Variants in ACACB observed in about 807,000 individuals in gnomAD.
The protein encoded by ACACB is acetyl-CoA carboxylase 2.
In ACACB, 209 loss-of-function variants were observed where a neutral mutation model predicts 278.8. That is an observed-to-expected ratio of 0.75 (90% CI 0.67 to 0.84). The LOEUF (loss-of-function observed/expected upper bound fraction) is 0.84, where lower values mean the gene tolerates loss of function less well. Ranked by LOEUF, ACACB falls within the 40% of genes least tolerant of loss-of-function variation. ACACB has a pLI of 0.00. For missense variants in ACACB, 2,850 were observed against 3,269.0 expected (o/e 0.87, Z 3.13); for synonymous variants, 1,174 against 1,285.6 (o/e 0.91, Z 1.86).
At chr12:109,152,744 A>C (rs2043413179) in intron 2 of ACACB, among the ~76,000 whole-genome samples, 2 of 143,076 alleles carry the variant, frequency 1.4e-5, no homozygotes, top group Admixed American at 7.7e-5. Context: ...ACCTGGGCTC[A>C]GGTAATCTTC....
chr12:109,259,949 AG>A (rs2047335000), intron 47 of ACACB: 1 of 639,176 alleles, frequency 1.6e-6, no homozygotes, highest in Non-Finnish European at 2.5e-6. Context: ...CCTTTGTAAA[AG>A]GGGGTTAAGA....
intron 35 of ACACB, among the ~76,000 whole-genome samples, chr12:109,240,560 T>C (rs1193880226): frequency 6.7e-6 from 1 of 148,288 alleles, no homozygotes; most frequent in Non-Finnish European, 1.5e-5. Flanking sequence ...AATATCGATA[T>C]ATTAATATTA....
rs200383223 is a variant in ACACB, at chr12:109,265,570, C to T, written c.7250+45C>T. 8.2e-5 allele frequency: 131 copies of T among 1,602,638 alleles called. No individual in the cohort carries two copies. In the African/African-American group the frequency reaches 1.1e-3, roughly 13 times the overall value. On this transcript the variant is annotated intron_variant, in intron 52 of 52. Coordinates refer to ENST00000338432, the MANE Select transcript of ACACB (RefSeq NM_001093.4). ...GCTTCCCAGCCTCCTGGCAAGGACC[C>T]GAGCCTGGATTGACCCCTAGCTACC...
chr12:109,240,878 C>T (rs928456279), intron 35 of ACACB, among the ~76,000 whole-genome samples, 200 bp from the exon 36 acceptor site: 13 of 152,134 alleles, frequency 8.5e-5, no homozygotes, highest in Admixed American at 5.2e-4. Flanking sequence ...TGAGTACTTA[C>T]GAAGGCAAAA....
Position 109,258,233 on chromosome 12 carries a change from G to T in ACACB, c.6264-35G>T, listed in dbSNP as rs1450481097. ...GGTCCCCAAATGCACCTGGGGTGCT[G>T]CCCAGGGCCTGGCTCACTGGTGCTC... On this transcript the variant is annotated intron_variant, in intron 45 of 52. Transcript: ENST00000338432. 1.9e-6 allele frequency: 3 copies of T among 1,563,422 alleles called. No homozygotes were observed. In the African/African-American group the frequency reaches 4.0e-5, roughly 21 times the overall value.
At chr12:109,149,638 T>G (rs190669795) in intron 2 of ACACB, among the ~76,000 whole-genome samples, 1 of 152,222 alleles carries the variant, frequency 6.6e-6, no homozygotes, top group East Asian at 1.9e-4. Flanking sequence ...TGACCACAGA[T>G]AGTCTGGGTT....
rs2043050003 is a variant in ACACB at position 109,139,592 on chromosome 12, G to A, written c.187G>A (p.Glu63Lys). ...NSGETPQRNG[E>K]GHTLPKTPSQ... ...AGGGGAGACACCGCAGAGAAATGGG[G>A]AGGGCCACACTCTGCCCAAGACACC... Residue 63 changes from glutamate to lysine, a missense_variant, in exon 2 of 53, where the codon GAG (glutamate) becomes AAG (lysine). Transcript: ENST00000338432. The A allele has an allele frequency of 1.2e-6, 2 of 1,613,932 alleles. No individual in the cohort carries two copies. The highest frequency in any genetic ancestry group is 3.3e-5 in the Admixed American group (2 of 59,986).
chr12:109,223,617 A>G (rs1334237791), intron 26 of ACACB, among the ~76,000 whole-genome samples, 198 bp from the exon 27 acceptor site: 1 of 152,066 alleles, frequency 6.6e-6, no homozygotes, highest in Non-Finnish European at 1.5e-5. Flanking sequence ...CAAAAAAAAG[A>G]GCCACGATGT....
Position 109,191,769 on chromosome 12 carries a change from G to T in ACACB, c.2295+6G>T. ...TCATTGCTGAGAAAGTGCAGGTAGG[G>T]AGTGAGCTGCCTGTGTCTCCCCTCT... On this transcript the variant is annotated splice_donor_region_variant and intron_variant, in intron 14 of 52. Transcript: ENST00000338432. The T allele has an allele frequency of 6.2e-7, 1 of 1,614,156 alleles. No individual in the cohort carries two copies. Among genetic ancestry groups the T allele is most frequent in the Non-Finnish European group, 8.5e-7 (1 of 1,180,026 alleles).
At chr12:109,260,332 A>G (rs1453278930) in intron 47 of ACACB, 148 bp from the exon 48 acceptor site, 1 of 1,138,480 alleles carries the variant, frequency 8.8e-7, no homozygotes. Flanking sequence ...CCACTTAGAG[A>G]GTGATCAGTA....
At chr12:109,226,834 AC>A (rs1318084262) in intron 27 of ACACB, among the ~76,000 whole-genome samples, 2 of 152,150 alleles carry the variant, frequency 1.3e-5, no homozygotes, top group East Asian at 3.8e-4. Context: ...TAAAATATTT[AC>A]TACCTATCTC....
Position 109,235,720 on chromosome 12 carries a change from G to A in ACACB, c.4446+73G>A, listed in dbSNP as rs17848826. On this transcript the variant is annotated intron_variant, in intron 33 of 52. Transcript: ENST00000338432. Reference sequence around the variant, plus strand: ...ATTTTTTAAGAGATGGGATGGGGCCGGGTGTGGTGGCTCAAGCCCGTAATC... The same window carrying A: ...ATTTTTTAAGAGATGGGATGGGGCCAGGTGTGGTGGCTCAAGCCCGTAATC... 3,658 of 1,386,656 alleles carry A rather than the reference G, an allele frequency of 2.6e-3. 119 individuals are homozygous for A. In the East Asian group the frequency reaches 0.073, roughly 28 times the overall value. 85.9% of individuals were successfully genotyped at this position (1,386,656 alleles called of 1,614,324 possible).
At chr12:109,241,303 G>A (rs766424576) in intron 36 of ACACB, 22 bp downstream of exon 36, 1 of 1,610,986 alleles carries the variant, frequency 6.2e-7, no homozygotes, top group Admixed American at 1.7e-5. Context: ...CCGCGCCGTG[G>A]GGGTCTAAGT....
rs79762769 is a variant in ACACB, at chr12:109,264,967, C to T, written c.6943-143C>T. 5.5e-4 allele frequency: 508 copies of T among 931,084 alleles called. 1 individual carries two copies. The African/African-American group carries it at 7.6e-3, about 14-fold the overall frequency. The allele number at this position is 931,084 out of a possible 1,614,324, so 57.7% of individuals were successfully genotyped here. On this transcript the variant is annotated intron_variant, in intron 50 of 52. Transcript: ENST00000338432. ...AGCAGGTGCCTTCTCCTCCCTGAGC[C>T]TCAGCTTACTTGCCTGGGATGATCT...
At chr12:109,210,460 T>TACACGCACACAC in intron 21 of ACACB, among the ~76,000 whole-genome samples, 1 of 130,770 alleles carries the variant, frequency 7.6e-6, no homozygotes, top group South Asian at 2.2e-4. Flanking sequence ...TATATGTATA[T>TACACGCACACAC]ATACGCACAT....
rs2047140266 is a variant in ACACB at position 109,253,143 on chromosome 12, G to T, written c.6030G>T (p.Leu2010=). ...GGGTTTATACCATCCTGGAGTGGCT[G>T]TCCTATATGCCAAAGGTGCAGTACT... ...FEGVYTILEW[L]SYMPKDNHSP... is the part of the protein sequence containing the mutation. Residue 2010 remains leucine, a synonymous_variant, in exon 43 of 53, where the codon CTG becomes CTT. Transcript: ENST00000338432. 1 of 1,591,464 alleles carries T rather than the reference G, an allele frequency of 6.3e-7. No homozygotes were observed. The highest frequency in any genetic ancestry group is 1.7e-5 in the Admixed American group (1 of 57,936).
chr12:109,194,315 C>T (rs1265582973), intron 16 of ACACB, among the ~76,000 whole-genome samples: 1 of 152,130 alleles, frequency 6.6e-6, no homozygotes, highest in African/African-American at 2.4e-5. Flanking sequence ...TCTGTCTCAG[C>T]CTCCTGAGTA....
chr12:109,135,324 T>A (rs1654875), intron 1 of ACACB, among the ~76,000 whole-genome samples: 36,987 of 151,986 alleles, frequency 0.24, 4,931 homozygotes, highest in East Asian at 0.6. Context: ...TATATCTTCA[T>A]TGGAGCAATG....
intron 4 of ACACB, among the ~76,000 whole-genome samples, chr12:109,169,656 T>C (rs548852852): frequency 6.6e-6 from 1 of 152,282 alleles, no homozygotes; most frequent in East Asian, 1.9e-4. Flanking sequence ...CTTTGTGCAG[T>C]GGACTCCCTC....
Sources: allele counts gnomAD v4.1 joint callset (sites outside exome capture counted in the v4.1 genomes callset), GRCh38; gene constraint gnomAD v4.1.1; transcripts MANE v1.5; gene names NCBI Gene and HGNC (gene_info 2026-07-23, HGNC 2026-07-21).